PCDHA8: variants seen among roughly 807,000 people sequenced by gnomAD.
PCDHA8 encodes the protein protocadherin alpha 8.
Under a neutral mutation model 61.8 loss-of-function variants are expected in PCDHA8, and 53 were observed. The observed-to-expected ratio is 0.86, with a 90% confidence interval of 0.69 to 1.08. The LOEUF is 1.08. Among genes scored for constraint, PCDHA8 ranks in the 50% least tolerant of loss-of-function variants. The probability of loss-of-function intolerance (pLI) is 0.00; values close to 1 mark genes in which losing one functional copy is unlikely to be tolerated. For synonymous variants in PCDHA8, 618 were observed against 556.6 expected (o/e 1.11, Z -1.55); for missense variants, 1,293 against 1,245.0 (o/e 1.04, Z -0.58).
intron 1 of PCDHA8, among the ~76,000 whole-genome samples, chr5:140,873,896 G>T (rs111760299): frequency 6.6e-6 from 1 of 152,112 alleles, no homozygotes; most frequent in African/African-American, 2.4e-5. Context: ...CCTGACCTCA[G>T]GTGATCTGCC....
At position 140,849,784 on chromosome 5, in the gene PCDHA8, G is replaced by A. The variant is rs2150449940; in HGVS notation, c.2394+6069G>A. The A allele has an allele frequency of 3.8e-6, 6 of 1,598,104 alleles. No homozygotes were observed. The East Asian group carries it at 1.3e-4, about 36-fold the overall frequency. ...GAGCTGGTGGTTACCGCGCGGGACG[G>A]GGGCTCGCCTTCACTGTGGGCCACG... On this transcript the variant is annotated intron_variant, in intron 1 of 3. Coordinates refer to ENST00000531613, the MANE Select transcript of PCDHA8 (RefSeq NM_018911.3).
chr5:140,847,204 C>G (rs916100190), intron 1 of PCDHA8, among the ~76,000 whole-genome samples: 5 of 149,612 alleles, frequency 3.3e-5, no homozygotes, highest in African/African-American at 1.2e-4. Flanking sequence ...TTTGGCCACT[C>G]TTTAGAATTA....
intron 1 of PCDHA8, among the ~76,000 whole-genome samples, chr5:140,903,535 G>A (rs1311718035): frequency 3.3e-5 from 5 of 152,178 alleles, no homozygotes; most frequent in African/African-American, 1.2e-4. Flanking sequence ...CTTTAAACTA[G>A]AGCAAGAAAC....
intron 3 of PCDHA8, among the ~76,000 whole-genome samples, chr5:141,003,148 GA>G (rs1554258931): frequency 1.3e-5 from 2 of 152,188 alleles, no homozygotes; most frequent in African/African-American, 4.8e-5. Flanking sequence ...CAAAGACTCT[GA>G]CCTGATCAAT....
intron 1 of PCDHA8, chr5:140,883,267 T>C: frequency 6.2e-7 from 1 of 1,614,048 alleles, no homozygotes. Flanking sequence ...TGGCGGGTCA[T>C]TGTACCCTTT....
intron 1 of PCDHA8, among the ~76,000 whole-genome samples, chr5:140,977,927 T>G (rs1214119079): frequency 6.6e-6 from 1 of 152,180 alleles, no homozygotes; most frequent in Non-Finnish European, 1.5e-5. Context: ...TTCATTCAAC[T>G]ATACCTCAAT....
intron 1 of PCDHA8, chr5:140,857,784 T>A (rs782611887): frequency 6.3e-7 from 1 of 1,597,680 alleles, no homozygotes; most frequent in South Asian, 1.1e-5. Flanking sequence ...GTCAGTGAGC[T>A]GGTGCTGCGG....
intron 1 of PCDHA8, among the ~76,000 whole-genome samples, chr5:140,880,362 A>G (rs1005788716): frequency 4.6e-5 from 7 of 152,236 alleles, no homozygotes; most frequent in Non-Finnish European, 1.0e-4. Context: ...ATTTAGATGA[A>G]AACCATGAGA....
intron 1 of PCDHA8, among the ~76,000 whole-genome samples, chr5:140,898,790 AT>A (rs1193457354): frequency 2.6e-5 from 4 of 152,112 alleles, no homozygotes; most frequent in African/African-American, 7.2e-5. Flanking sequence ...CAGTATGGCC[AT>A]TTTCACGATA....
chr5:140,877,992 A>C, intron 1 of PCDHA8: 1 of 1,096,636 alleles, frequency 9.1e-7, no homozygotes, highest in South Asian at 2.1e-5. Context: ...TTGAACTTTT[A>C]TGTATTTGTC....
chr5:140,870,224 C>T, intron 1 of PCDHA8: 1 of 1,614,184 alleles, frequency 6.2e-7, no homozygotes, highest in Admixed American at 1.7e-5. Flanking sequence ...ATCAGCGTGT[C>T]TGACCGTGAC....
chr5:140,930,591 CAT>C (rs1554207939), intron 1 of PCDHA8: 1 of 152,406 alleles, frequency 6.6e-6, no homozygotes, highest in African/African-American at 2.4e-5. Flanking sequence ...TTTGACTTCT[CAT>C]AGAAATCCTA....
intron 1 of PCDHA8, among the ~76,000 whole-genome samples, chr5:140,974,321 T>C (rs2096622495): frequency 6.6e-6 from 1 of 152,226 alleles, no homozygotes; most frequent in Non-Finnish European, 1.5e-5. Context: ...AGAGAGTAGC[T>C]GCTGTGCTAG....
chr5:140,901,146 C>T (rs1463079898), intron 1 of PCDHA8, among the ~76,000 whole-genome samples: 1 of 152,062 alleles, frequency 6.6e-6, no homozygotes, highest in Admixed American at 6.6e-5. Context: ...AATATTTTCT[C>T]TCAATCTGTG....
chr5:140,854,169 A>AAAAAG, intron 1 of PCDHA8: 1 of 675,122 alleles, frequency 1.5e-6, no homozygotes, highest in South Asian at 6.4e-5. Flanking sequence ...CAAAAAAAAA[A>AAAAAG]AAAAAAAGAG....
intron 1 of PCDHA8, chr5:140,928,173 C>T (rs1554205586): frequency 1.2e-6 from 2 of 1,614,170 alleles, no homozygotes; most frequent in Admixed American, 1.7e-5. Flanking sequence ...CACTTAGCAC[C>T]CGAAGGACAA....
chr5:140,868,091 G>T (rs1355947056), intron 1 of PCDHA8: 1 of 151,974 alleles, frequency 6.6e-6, no homozygotes, highest in African/African-American at 2.4e-5. Flanking sequence ...TTTATAAAAT[G>T]ATAATAAAAT....
In PCDHA8 at chr5:140,904,730, A is replaced by AT. The variant is rs538757271; in HGVS notation, c.2394+61022dup. 7.6e-4 allele frequency among the ~76,000 whole-genome samples: 116 copies of AT among 152,104 alleles called. 1 individual carries two copies. The highest frequency in any genetic ancestry group is 6.8e-3 in the Middle Eastern group (2 of 294). On this transcript the variant is annotated intron_variant, in intron 1 of 3. Transcript: ENST00000531613. ...CACCACATTCTGGCCAACATCTATT[A>AT]TTTTTTTATTATGACCATTTTTGCA...
In PCDHA8 at chr5:141,012,021, A is replaced by T. The variant is rs1428323351; in HGVS notation, c.*2084A>T. 6.5e-6 allele frequency: 1 copy of T among 153,734 alleles called. No individual in the cohort carries two copies. The highest frequency in any genetic ancestry group is 1.5e-5 in the Non-Finnish European group (1 of 68,044). 9.5% of individuals were successfully genotyped at this position (153,734 alleles called of 1,614,324 possible). The stretch of plus-strand genomic sequence containing the variant: ...CATATTTTGAAGGGTGTGTAACTTC[A>T]GCTCTGCAGGATTGCATGGGGTAAA... On this transcript the variant is annotated 3_prime_UTR_variant, in exon 4 of 4. Transcript: ENST00000531613.
Sources: gnomAD v4.1 joint callset for allele counts (sites outside exome capture counted in the v4.1 genomes callset) on GRCh38, gnomAD v4.1.1 for gene constraint, MANE v1.5 for transcripts, NCBI Gene and HGNC (gene_info 2026-07-23, HGNC 2026-07-21) for gene names.